Variants in UNC5D observed in about 807,000 individuals in gnomAD.
The protein encoded by UNC5D is unc-5 netrin receptor D, also known as netrin receptor UNC5D.
In UNC5D, 39 loss-of-function variants were observed where a neutral mutation model predicts 105.4. That is an observed-to-expected ratio of 0.37 (90% CI 0.29 to 0.48). The LOEUF (loss-of-function observed/expected upper bound fraction) is 0.48, where lower values mean the gene tolerates loss of function less well. Ranked by LOEUF, UNC5D falls within the 20% of genes least tolerant of loss-of-function variation. The pLI is 0.98. For synonymous variants in UNC5D, 452 were observed against 450.4 expected (o/e 1.00, Z -0.04); for missense variants, 991 against 1,202.4 (o/e 0.82, Z 2.60).
At chr8:35,632,588 G>A (rs1377925004) in intron 4 of UNC5D, among the ~76,000 whole-genome samples, 8 of 152,336 alleles carry the variant, frequency 5.3e-5, no homozygotes, top group Middle Eastern at 3.4e-3. Context: ...GCATGCGGAG[G>A]TAAGAGGAGA....
chr8:35,733,141 C>CGGAATGTGCGG (rs1829287344), intron 11 of UNC5D, among the ~76,000 whole-genome samples: 1 of 152,050 alleles, frequency 6.6e-6, no homozygotes, highest in Non-Finnish European at 1.5e-5. Context: ...GTAGCTGAAA[C>CGGAATGTGCGG]CTTCCCAGAT....
intron 1 of UNC5D, among the ~76,000 whole-genome samples, chr8:35,373,765 C>A (rs1213580784): frequency 6.6e-6 from 1 of 152,030 alleles, no homozygotes; most frequent in Non-Finnish European, 1.5e-5. Context: ...AGTTTAAACC[C>A]CAGAGTTAGC....
At chr8:35,773,029 T>TTGAGGACCACCTGATTAGG (rs1383854895) in intron 15 of UNC5D, among the ~76,000 whole-genome samples, 1 of 152,136 alleles carries the variant, frequency 6.6e-6, no homozygotes, top group African/African-American at 2.4e-5. Context: ...CTCTTCTCAT[T>TTGAGGACCACCTGATTAGG]TGAGGACCAC....
At chr8:35,358,156 C>T (rs1259377854) in intron 1 of UNC5D, among the ~76,000 whole-genome samples, 8 of 152,108 alleles carry the variant, frequency 5.3e-5, no homozygotes, top group Non-Finnish European at 1.2e-4. Context: ...GGTATATACC[C>T]AAAGGAATAT....
chr8:35,250,554 G>A (rs1330956554), intron 1 of UNC5D, among the ~76,000 whole-genome samples: 1 of 152,072 alleles, frequency 6.6e-6, no homozygotes, highest in Non-Finnish European at 1.5e-5. Context: ...GAGTGCAGTG[G>A]CACGATCTCG....
intron 5 of UNC5D, 130 bp from the exon 6 acceptor site, chr8:35,684,452 G>A: frequency 9.5e-7 from 1 of 1,050,214 alleles, no homozygotes; most frequent in Non-Finnish European, 1.3e-6. Flanking sequence ...GGAGCAGCCA[G>A]TGGGGGCTGC....
At chr8:35,525,685 C>T (rs1002403278) in intron 1 of UNC5D, 3 of 1,607,632 alleles carry the variant, frequency 1.9e-6, no homozygotes, top group Non-Finnish European at 2.5e-6. Flanking sequence ...ACCACCTCGC[C>T]CTGCAGCCGC....
intron 4 of UNC5D, among the ~76,000 whole-genome samples, chr8:35,674,573 G>A (rs1036221397): frequency 2.0e-5 from 3 of 152,172 alleles, no homozygotes; most frequent in African/African-American, 7.2e-5. Context: ...CATGGTAAGT[G>A]TTCATGAAAT....
chr8:35,274,249 G>C (rs1464028709), intron 1 of UNC5D, among the ~76,000 whole-genome samples: 1 of 152,142 alleles, frequency 6.6e-6, no homozygotes, highest in Non-Finnish European at 1.5e-5. Context: ...AGTGCAAAAG[G>C]ACTGCCAGGG....
chr8:35,315,532 A>G (rs1273171373), intron 1 of UNC5D, among the ~76,000 whole-genome samples: 1 of 152,180 alleles, frequency 6.6e-6, no homozygotes, highest in Non-Finnish European at 1.5e-5. Flanking sequence ...AAAATCAGCA[A>G]GAGGACACAT....
intron 14 of UNC5D, among the ~76,000 whole-genome samples, chr8:35,761,051 G>A (rs1326506063): frequency 2.0e-5 from 3 of 151,398 alleles, no homozygotes; most frequent in Non-Finnish European, 4.4e-5. Context: ...TTTTTCAGGG[G>A]GCCAGGGGCA....
chr8:35,552,067 TATA>T (rs1255396891), intron 2 of UNC5D, among the ~76,000 whole-genome samples: 1 of 152,126 alleles, frequency 6.6e-6, no homozygotes. Flanking sequence ...CCTAAAACTC[TATA>T]ATAATTCCCT....
intron 1 of UNC5D, among the ~76,000 whole-genome samples, chr8:35,277,247 T>A (rs371237558): frequency 1.3e-5 from 2 of 152,220 alleles, no homozygotes; most frequent in East Asian, 3.8e-4. Flanking sequence ...ACAACTGTGC[T>A]TGGGACAGTT....
intron 1 of UNC5D, among the ~76,000 whole-genome samples, chr8:35,523,477 C>T (rs2130469332): frequency 6.6e-6 from 1 of 151,734 alleles, no homozygotes; most frequent in African/African-American, 2.4e-5. Flanking sequence ...CAAGAAATGG[C>T]AGACCTGATT....
chr8:35,766,288 G>A (rs1801761154), intron 14 of UNC5D, among the ~76,000 whole-genome samples: 1 of 151,982 alleles, frequency 6.6e-6, no homozygotes, highest in Admixed American at 6.6e-5. Context: ...AGATCACTCT[G>A]GGGTGGCCCT....
rs185309492 is a variant in UNC5D at position 35,600,145 on chromosome 8, T to G, written c.570+4488T>G. On this transcript the variant is annotated intron_variant, in intron 4 of 16. Transcript: ENST00000404895. ...AAGGACATGAACTCATCATTTTTTA[T>G]GGCTGCATAGTATTCCATGGTGTAT... 1.0e-3 allele frequency among the ~76,000 whole-genome samples: 154 copies of G among 152,354 alleles called. 2 individuals are homozygous for G. Among genetic ancestry groups the G allele is most frequent in the South Asian group, 3.1e-3 (15 of 4,834 alleles).
chr8:35,457,614 A>C (rs1808582202), intron 1 of UNC5D, among the ~76,000 whole-genome samples: 1 of 152,134 alleles, frequency 6.6e-6, no homozygotes, highest in Non-Finnish European at 1.5e-5. Flanking sequence ...AGGCAGAAAT[A>C]TGGAGAATGG....
At chr8:35,383,885 C>T (rs984779704) in intron 1 of UNC5D, among the ~76,000 whole-genome samples, 5 of 151,938 alleles carry the variant, frequency 3.3e-5, no homozygotes, top group Admixed American at 3.3e-4. Flanking sequence ...TTGGGACCAG[C>T]CTGGGTGACA....
intron 4 of UNC5D, among the ~76,000 whole-genome samples, chr8:35,620,166 G>C (rs926418917): frequency 6.6e-6 from 1 of 152,170 alleles, no homozygotes; most frequent in African/African-American, 2.4e-5. Context: ...CAAAGACTTT[G>C]AAGATTTCCT....
Sources: allele counts gnomAD v4.1 joint callset (sites outside exome capture counted in the v4.1 genomes callset), GRCh38; gene constraint gnomAD v4.1.1; transcripts MANE v1.5; gene names NCBI Gene and HGNC (gene_info 2026-07-23, HGNC 2026-07-21).